The following KIRREL2 variants were observed in gnomAD, a reference collection of about 807,000 sequenced individuals.
KIRREL2 encodes the protein kirre like nephrin family adhesion molecule 2.
A neutral mutation model predicts 73.4 loss-of-function variants in KIRREL2; 56 were observed. That is an observed-to-expected ratio of 0.76 (90% CI 0.62 to 0.95). The LOEUF is 0.95. KIRREL2 is among the 40% of genes least tolerant of loss of function. The pLI is 0.00. For synonymous variants in KIRREL2, 407 were observed against 404.0 expected, an observed-to-expected ratio of 1.01 and a Z score of -0.09; for missense variants, 896 against 935.0, an observed-to-expected ratio of 0.96 and a Z score of 0.54.
At chr19:35,857,697 A>G (rs1973485030) in intron 2 of KIRREL2, among the ~76,000 whole-genome samples, 1 of 152,172 alleles carries the variant, frequency 6.6e-6, no homozygotes, top group Admixed American at 6.5e-5. Context: ...GCAAAATAGT[A>G]CATAGGCCAG....
Position 35,866,582 on chromosome 19 carries a change from A to C in KIRREL2, c.*90A>C, listed in dbSNP as rs1363636017. The C allele has an allele frequency of 7.0e-6, 11 of 1,576,708 alleles. No homozygotes were observed. Among genetic ancestry groups the C allele is most frequent in the Non-Finnish European group, 8.7e-6 (10 of 1,154,254 alleles). On this transcript the variant is annotated 3_prime_UTR_variant, in exon 15 of 15. Coordinates refer to ENST00000360202, the MANE Select transcript of KIRREL2 (RefSeq NM_199180.4). ...GGAGCCAGGACAAGTTGGCGACCTTACTCCTCCAAAACTGAACACAAGGGG... is the reference window on the plus strand; with the variant it reads ...GGAGCCAGGACAAGTTGGCGACCTTCCTCCTCCAAAACTGAACACAAGGGG...
chr19:35,863,053 CCCAGACCTGACTGTGCCT>C lies in KIRREL2; in HGVS notation c.1725+26_1725+43del. Reference sequence around the variant, plus strand: ...GAGGACCGGGTAGGATGCCAGGGTCCCCAGACCTGACTGTGCCTCCAGACCTAAATAATAGCCCAGTCC... The same window carrying C: ...GAGGACCGGGTAGGATGCCAGGGTCCCCAGACCTAAATAATAGCCCAGTCC... On this transcript the variant is annotated intron_variant, in intron 13 of 14. Coordinates refer to ENST00000360202, the MANE Select transcript of KIRREL2 (RefSeq NM_199180.4). The C allele has an allele frequency of 7.1e-7, 1 of 1,416,782 alleles. No individual in the cohort carries two copies. The highest frequency in any genetic ancestry group is 9.8e-7 in the Non-Finnish European group (1 of 1,019,620). 87.8% of individuals were successfully genotyped at this position (1,416,782 alleles called of 1,614,324 possible).
chr19:35,866,631 A>G lies in KIRREL2; in HGVS notation c.*139A>G, dbSNP rs1973985349. On this transcript the variant is annotated 3_prime_UTR_variant, in exon 15 of 15. Coordinates refer to ENST00000360202, the MANE Select transcript of KIRREL2 (RefSeq NM_199180.4). The stretch of plus-strand genomic sequence containing the variant: ...GGAGGGAAAGATCATTACATTTGTC[A>G]GGAGCATTTGTATACAGTCAGCTCA... 3 of 1,332,848 alleles carry G rather than the reference A, an allele frequency of 2.3e-6. No individual in the cohort carries two copies. The highest frequency in any genetic ancestry group is 1.2e-5 in the South Asian group (1 of 80,224). 82.6% of individuals were successfully genotyped at this position (1,332,848 alleles called of 1,614,324 possible).
chr19:35,860,734 G>C, intron 7 of KIRREL2, 67 bp downstream of exon 7: 1 of 1,591,584 alleles, frequency 6.3e-7, no homozygotes, highest in Non-Finnish European at 8.5e-7. Flanking sequence ...TTGAGGGTCG[G>C]GGCCTGGAGG....
At position 35,857,112 on chromosome 19, in the gene KIRREL2, G is replaced by A. The variant is rs755313727; in HGVS notation, c.-8G>A. 1.9e-6 allele frequency: 3 copies of A among 1,613,890 alleles called. No individual in the cohort carries two copies. The highest frequency in any genetic ancestry group is 2.5e-6 in the Non-Finnish European group (3 of 1,179,968). Reference sequence around the variant, plus strand: ...GCGACGGCAAATCTCGTGAACCTTGGGGGACGAATGCTCAGGATGCGGGTC... The same window carrying A: ...GCGACGGCAAATCTCGTGAACCTTGAGGGACGAATGCTCAGGATGCGGGTC... On this transcript the variant is annotated 5_prime_UTR_variant, in exon 1 of 15. Coordinates refer to ENST00000360202, the MANE Select transcript of KIRREL2 (RefSeq NM_199180.4).
chr19:35,859,846 A>G (rs1266580285), intron 5 of KIRREL2, among the ~76,000 whole-genome samples: 1 of 152,174 alleles, frequency 6.6e-6, no homozygotes, highest in Non-Finnish European at 1.5e-5. Flanking sequence ...GGAGTTCGAG[A>G]CCAGTCTGGC....
rs1362259849 is a variant in KIRREL2 at position 35,858,554 on chromosome 19, C to A, written c.358C>A (p.Leu120Met). ...CTCCAGACCAGCCCAACTGCACGTG[C>A]TGGGTAAGGACCTCGCCCACTTGTC... Reference protein sequence around the residue: ...LRSRPAQLHVLVPPEAPQVLG... With the variant: ...LRSRPAQLHVMVPPEAPQVLG... The change falls in exon 3 of 15, where the codon CTG becomes ATG. Residue 120 changes from leucine (L) to methionine (M), a missense_variant. Coordinates refer to ENST00000360202, the MANE Select transcript of KIRREL2 (RefSeq NM_199180.4). 1 of 1,614,092 alleles carries A rather than the reference C, an allele frequency of 6.2e-7. No homozygotes were observed. Among genetic ancestry groups the A allele is most frequent in the Non-Finnish European group, 8.5e-7 (1 of 1,180,016 alleles).
chr19:35,851,977 C>A, upstream of KIRREL2: 1 of 727,560 alleles, frequency 1.4e-6, no homozygotes, highest in African/African-American at 1.8e-5. Context: ...CTCCCTTTCT[C>A]GTTTTCCTCT....
intron 12 of KIRREL2, 74 bp downstream of exon 12, chr19:35,862,671 C>A: frequency 1.7e-6 from 2 of 1,148,688 alleles, no homozygotes; most frequent in South Asian, 1.2e-5. Context: ...GTGACCTGAC[C>A]TGGCCTTGGG....
chr19:35,857,193 G>A lies in KIRREL2; in HGVS notation c.61+13G>A. 6.2e-7 allele frequency: 1 copy of A among 1,611,670 alleles called. No homozygotes were observed. Among genetic ancestry groups the A allele is most frequent in the East Asian group, 2.2e-5 (1 of 44,796 alleles). On this transcript the variant is annotated intron_variant, in intron 1 of 14. Transcript: ENST00000360202. ...AGAGGGAGAGCAGGTACCGCACGAG[G>A]GGAGCGGAGGAATATGGGGTGGGGG...
At chr19:35,861,384 C>T in intron 9 of KIRREL2, 130 bp downstream of exon 9, 1 of 1,473,414 alleles carries the variant, frequency 6.8e-7, no homozygotes, top group Non-Finnish European at 9.2e-7. Context: ...GAGACCGGAC[C>T]TATTGAAGGC....
intron 5 of KIRREL2, 147 bp downstream of exon 5, chr19:35,859,778 C>A: frequency 1.1e-6 from 1 of 938,422 alleles, no homozygotes; most frequent in Non-Finnish European, 1.6e-6. Flanking sequence ...GGTATGGTAG[C>A]TCACGCCTGT....
upstream of KIRREL2, chr19:35,856,768 C>CT: frequency 2.4e-6 from 1 of 408,250 alleles, no homozygotes; most frequent in South Asian, 2.3e-5. The surrounding 1 kb of genome is among the most constrained non-coding windows in gnomAD (Gnocchi z 5.9). Flanking sequence ...GAGCTGGGGG[C>CT]GCCCACCCGC....
At position 35,860,643 on chromosome 19, in the gene KIRREL2, C is replaced by G. The variant is rs73928337; in HGVS notation, c.904C>G (p.Arg302Gly). The change falls in exon 7 of 15, where the codon CGC becomes GGC. Residue 302 changes from arginine to glycine, a missense_variant. Transcript: ENST00000360202. ...EVSNAVGSAN[R>G]STALDVLFGP... The stretch of plus-strand genomic sequence containing the variant: ...CAGCAACGCCGTGGGTAGCGCCAAC[C>G]GCAGTACTGCGCTGGATGTGCTGTG... 24 of 1,603,140 alleles carry G rather than the reference C, an allele frequency of 1.5e-5. No homozygotes were observed. Among genetic ancestry groups the G allele is most frequent in the South Asian group, 1.3e-4 (12 of 91,036 alleles).
Position 35,860,378 on chromosome 19 carries a change from C to T in KIRREL2, c.755C>T (p.Ala252Val). 6.2e-7 allele frequency: 1 copy of T among 1,613,578 alleles called. No homozygotes were observed. Among genetic ancestry groups the T allele is most frequent in the Non-Finnish European group, 8.5e-7 (1 of 1,179,984 alleles). The change falls in exon 6 of 15, where the codon GCC (alanine) becomes GTC (valine). Residue 252 changes from alanine (A) to valine (V), a missense_variant. Physicochemically the swap from Ala to Val is moderately conservative, Grantham distance 64 (BLOSUM62 0). Coordinates refer to ENST00000360202, the MANE Select transcript of KIRREL2 (RefSeq NM_199180.4). ...EKVIFLCQAT[A>V]QPPVTGYRWA... is the part of the protein sequence containing the mutation. ...GTCATTTTCCTGTGCCAGGCCACAG[C>T]CCAGCCTCCTGTCACAGGCTACAGG...
chr19:35,851,915 T>C (rs1310092461), upstream of KIRREL2: 13 of 1,193,124 alleles, frequency 1.1e-5, no homozygotes, highest in Non-Finnish European at 1.6e-5. Context: ...TGGGTCCCTC[T>C]CTGTGTGTCT....
upstream of KIRREL2, chr19:35,851,894 C>G: frequency 6.9e-7 from 1 of 1,455,950 alleles, no homozygotes; most frequent in Non-Finnish European, 9.4e-7. Context: ...CTGCGTCTGT[C>G]TGGCTTTCTC....
Position 35,860,679 on chromosome 19 carries a change from C to T in KIRREL2, c.928+12C>T, listed in dbSNP as rs764950729. ...GCTGGATGTGCTGTGTGAGCTGGGG[C>T]CGGCCTGTGGGTGTGGTCAAAGGTG... On this transcript the variant is annotated intron_variant, in intron 7 of 14. Coordinates refer to ENST00000360202, the MANE Select transcript of KIRREL2 (RefSeq NM_199180.4). 2.9e-5 allele frequency: 46 copies of T among 1,601,450 alleles called. No homozygotes were observed. In the Admixed American group the frequency reaches 7.5e-4, roughly 26 times the overall value.
In KIRREL2 at chr19:35,859,651, G is replaced by A; in HGVS notation, c.673+20G>A. The A allele has an allele frequency of 6.2e-7, 1 of 1,611,752 alleles. No individual in the cohort carries two copies. The highest frequency in any genetic ancestry group is 8.5e-7 in the Non-Finnish European group (1 of 1,178,958). On this transcript the variant is annotated intron_variant, in intron 5 of 14. Transcript: ENST00000360202. ...TGCAGTGTGAGTGCAGCTGGCCCTG[G>A]GAAAGAGGGGTGTGGGGCCCTGACT... is the stretch of plus-strand genomic sequence containing the variant.
Sources: gnomAD v4.1 joint callset for allele counts (sites outside exome capture counted in the v4.1 genomes callset) on GRCh38, gnomAD v4.1.1 for gene constraint, Gnocchi (gnomAD v3.1) non-coding constraint, MANE v1.5 for transcripts, NCBI Gene and HGNC (gene_info 2026-07-23, HGNC 2026-07-21) for gene names.